Variants in AKAP9 observed in about 807,000 individuals in gnomAD.
AKAP9 encodes A-kinase anchor protein 9.
Under a neutral mutation model 488.5 loss-of-function variants are expected in AKAP9, and 311 were observed. That is an observed-to-expected ratio of 0.64 (90% CI 0.58 to 0.70). The LOEUF (loss-of-function observed/expected upper bound fraction) is 0.70, where lower values mean the gene tolerates loss of function less well. Ranked by LOEUF, AKAP9 falls within the 30% of genes least tolerant of loss-of-function variation. The pLI, the probability that AKAP9 is intolerant of heterozygous loss-of-function variation, is 0.00. For synonymous variants in AKAP9, 1,462 were observed against 1,483.5 expected (o/e 0.99, Z 0.33); for missense variants, 4,215 against 4,374.5 (o/e 0.96, Z 1.03).
chr7:91,996,876 G>T (rs962939329), intron 7 of AKAP9, among the ~76,000 whole-genome samples: 1 of 152,154 alleles, frequency 6.6e-6, no homozygotes, highest in African/African-American at 2.4e-5. Flanking sequence ...GTAACAGGCA[G>T]TATTCAAAGC....
intron 37 of AKAP9, among the ~76,000 whole-genome samples, chr7:92,087,570 C>T (rs1285249714): frequency 6.6e-6 from 1 of 151,964 alleles, no homozygotes; most frequent in East Asian, 1.9e-4. Context: ...AAAATCTACT[C>T]ATAATACTTA....
chr7:91,941,213 C>T (rs1790707095), intron 1 of AKAP9, 66 bp downstream of exon 1: 14 of 1,514,982 alleles, frequency 9.2e-6, no homozygotes, highest in Middle Eastern at 1.8e-4. Flanking sequence ...TGGGAGGGGG[C>T]CTGGGAAGCG....
At position 92,040,799 on chromosome 7, in the gene AKAP9, ATTG is replaced by A. The variant is rs1805969947; in HGVS notation, c.4821_4823del (p.Leu1608del). The A allele has an allele frequency of 6.2e-7, 1 of 1,614,086 alleles. No homozygotes were observed. The highest frequency in any genetic ancestry group is 8.5e-7 in the Non-Finnish European group (1 of 1,180,012). ...ACCAAGAACATCAACAGGCAACGGA[ATTG>A]TTAAGGCAAGCACATATGCGGCAAA... On this transcript the variant is annotated inframe_deletion, in exon 18 of 50. Transcript: ENST00000356239.
intron 14 of AKAP9, among the ~76,000 whole-genome samples, chr7:92,023,858 C>T (rs545693789): frequency 2.8e-4 from 43 of 152,046 alleles, no homozygotes; most frequent in Non-Finnish European, 5.0e-4. Flanking sequence ...TATGCTTCTG[C>T]TTTAGGGACT....
intron 1 of AKAP9, among the ~76,000 whole-genome samples, chr7:91,947,177 T>TGTGTGTGC (rs1791557091): frequency 1.2e-4 from 3 of 24,798 alleles, no homozygotes; most frequent in Non-Finnish European, 9.9e-5. Context: ...TGTGTGTGCG[T>TGTGTGTGC]GTGTGTGTGT....
intron 43 of AKAP9, among the ~76,000 whole-genome samples, chr7:92,099,052 G>A (rs1177350402): frequency 1.3e-5 from 2 of 152,072 alleles, no homozygotes; most frequent in Non-Finnish European, 2.9e-5. Context: ...TCTACTTCCT[G>A]CTCCAGACCC....
intron 1 of AKAP9, among the ~76,000 whole-genome samples, chr7:91,968,022 C>G (rs951269144): frequency 6.6e-6 from 1 of 152,178 alleles, no homozygotes; most frequent in East Asian, 1.9e-4. Context: ...ACTGCAACCT[C>G]TGCCTCCTGG....
At chr7:92,026,331 CCTCTCTT>C (rs978384159) in intron 14 of AKAP9, among the ~76,000 whole-genome samples, 2 of 152,114 alleles carry the variant, frequency 1.3e-5, no homozygotes, top group South Asian at 2.1e-4. Context: ...TCTCCCTCTC[CCTCTCTT>C]CTCTCTTCTC....
chr7:92,087,591 C>CT lies in AKAP9; in HGVS notation c.9213+1184dup, dbSNP rs988208937. Among the ~76,000 whole-genome samples the CT allele has an allele frequency of 1.9e-4, 28 of 150,934 alleles. No individual in the cohort carries two copies. In the East Asian group the frequency reaches 1.9e-3, roughly 10 times the overall value. On this transcript the variant is annotated intron_variant, in intron 37 of 49. Coordinates refer to ENST00000356239, the MANE Select transcript of AKAP9 (RefSeq NM_005751.5). ...TACTCATAATACTTAACACCCAGAT[C>CT]TTTTTTTTTAATATATTCTCCACTG...
intron 2 of AKAP9, among the ~76,000 whole-genome samples, chr7:91,978,995 C>T (rs987835052): frequency 7.2e-6 from 1 of 138,810 alleles, no homozygotes; most frequent in African/African-American, 2.8e-5. Context: ...CTAGGCAGGT[C>T]TCGAACTCCT....
chr7:92,093,467 T>C (rs1396165009), intron 39 of AKAP9, 151 bp downstream of exon 39: 33 of 717,428 alleles, frequency 4.6e-5, no homozygotes, highest in Non-Finnish European at 7.3e-5. Context: ...GAAAAAACTC[T>C]AAATGTTTCC....
intron 11 of AKAP9, among the ~76,000 whole-genome samples, 191 bp from the exon 12 acceptor site, chr7:92,016,826 A>G (rs1251188861): frequency 6.6e-6 from 1 of 152,124 alleles, no homozygotes; most frequent in Non-Finnish European, 1.5e-5. Flanking sequence ...ATATTTTAAT[A>G]TGAAATTTTC....
chr7:92,105,589 C>A (rs1818380909), intron 46 of AKAP9, 89 bp from the exon 47 acceptor site: 7 of 935,284 alleles, frequency 7.5e-6, no homozygotes, highest in Non-Finnish European at 8.8e-6. Flanking sequence ...GTTCTATGTT[C>A]ATATTTAAAC....
At chr7:91,965,995 C>G (rs960194962) in intron 1 of AKAP9, among the ~76,000 whole-genome samples, 75 of 152,222 alleles carry the variant, frequency 4.9e-4, no homozygotes, top group African/African-American at 1.8e-3. Flanking sequence ...TGTCTCTTCA[C>G]TTTGTTGATT....
rs747304560 is a variant in AKAP9, at chr7:92,089,488, T to C, written c.9317T>C (p.Ile3106Thr). ...ALHAQMNGRK[I>T]TLKREQESEK... is the part of the protein sequence containing the mutation. ...CATGCACAAATGAATGGTAGGAAAATTACTCTGAAAAGAGAACAAGAGAGT... is the reference window on the plus strand; with the variant it reads ...CATGCACAAATGAATGGTAGGAAAACTACTCTGAAAAGAGAACAAGAGAGT... Residue 3106 changes from isoleucine to threonine, a missense_variant, in exon 38 of 50, where the codon ATT becomes ACT. Physicochemically the swap from Ile to Thr is moderately conservative, Grantham distance 89. This residue lies in a region of AKAP9 where 1,476 missense variants were observed against 1,477.4 expected (regional missense o/e 1.00). Transcript: ENST00000356239. 14 of 1,613,478 alleles carry C rather than the reference T, an allele frequency of 8.7e-6. No homozygotes were observed. The highest frequency in any genetic ancestry group is 1.2e-5 in the Non-Finnish European group (14 of 1,179,714).
intron 43 of AKAP9, among the ~76,000 whole-genome samples, chr7:92,098,524 A>G (rs1234464635): frequency 1.3e-5 from 2 of 152,172 alleles, no homozygotes; most frequent in African/African-American, 2.4e-5. Context: ...TTAGACTCCT[A>G]CAGTGTCTAA....
chr7:92,080,575 G>C (rs1165242052), intron 31 of AKAP9, among the ~76,000 whole-genome samples: 1 of 150,844 alleles, frequency 6.6e-6, no homozygotes, highest in Non-Finnish European at 1.5e-5. Flanking sequence ...ACTCCAACCT[G>C]GGTGACAGAG....
intron 14 of AKAP9, among the ~76,000 whole-genome samples, chr7:92,026,639 A>C (rs10264645): frequency 9.2e-5 from 14 of 152,200 alleles, no homozygotes; most frequent in African/African-American, 3.4e-4. Flanking sequence ...TCAGTGCTCA[A>C]TGTTGCCCAG....
At position 92,002,314 on chromosome 7, in the gene AKAP9, A is replaced by G; in HGVS notation, c.2397A>G (p.Gln799=). 2.5e-6 allele frequency: 4 copies of G among 1,613,050 alleles called. No individual in the cohort carries two copies. Among genetic ancestry groups the G allele is most frequent in the South Asian group, 1.1e-5 (1 of 90,938 alleles). Residue 799 remains glutamine, a synonymous_variant, in exon 8 of 50, where the codon CAA becomes CAG. Coordinates refer to ENST00000356239, the MANE Select transcript of AKAP9 (RefSeq NM_005751.5). Reference sequence around the variant, plus strand: ...TGAAAATACATACTCCTGTTAGCCAAGAAGAAAGATTGATTTTCTTAGACT... The same window carrying G: ...TGAAAATACATACTCCTGTTAGCCAGGAAGAAAGATTGATTTTCTTAGACT... The part of the protein sequence containing the change: ...DMLKIHTPVS[Q]EERLIFLDSI...
Sources: gnomAD v4.1 joint callset for allele counts (sites outside exome capture counted in the v4.1 genomes callset) on GRCh38, gnomAD v4.1.1 for gene constraint, gnomAD v4.1.1 regional missense constraint, MANE v1.5 for transcripts, NCBI Gene and HGNC (gene_info 2026-07-23, HGNC 2026-07-21) for gene names.